The following ROBO1 variants were observed in gnomAD, a reference collection of about 807,000 sequenced individuals.
ROBO1 encodes roundabout guidance receptor 1, also known as roundabout homolog 1.
ROBO1 carries 149 observed loss-of-function variants against 195.9 expected under a neutral mutation model. The ratio of observed to expected loss-of-function variants is 0.76; its 90% CI spans 0.67 to 0.87. ROBO1 has a LOEUF of 0.87. ROBO1 is among the 40% of genes least tolerant of loss of function. The pLI is 0.00. For missense variants in ROBO1, 1,933 were observed against 2,068.3 expected (o/e 0.93, Z 1.27); for synonymous variants, 816 against 733.2 (o/e 1.11, Z -1.82).
chr3:79,410,549 G>T (rs990777661), intron 2 of ROBO1, among the ~76,000 whole-genome samples: 3 of 151,608 alleles, frequency 2.0e-5, no homozygotes, highest in Admixed American at 1.3e-4. Context: ...CTATAGACAT[G>T]CCTTTTCTGA....
chr3:79,581,947 T>C (rs1447493338), intron 2 of ROBO1, among the ~76,000 whole-genome samples: 2 of 152,000 alleles, frequency 1.3e-5, no homozygotes, highest in African/African-American at 2.4e-5. Flanking sequence ...GTGTTACTTT[T>C]AACTTGGTTA....
chr3:78,704,376 T>C (rs917118145), intron 8 of ROBO1, among the ~76,000 whole-genome samples: 1 of 152,072 alleles, frequency 6.6e-6, no homozygotes, highest in African/African-American at 2.4e-5. Flanking sequence ...AAAGATCTCA[T>C]ACGCTGACAG....
intron 4 of ROBO1, among the ~76,000 whole-genome samples, chr3:78,887,508 A>G (rs1002342472): frequency 1.3e-5 from 2 of 152,228 alleles, no homozygotes; most frequent in African/African-American, 4.8e-5. Context: ...AAATTTCATC[A>G]AGATGATTTC....
intron 2 of ROBO1, among the ~76,000 whole-genome samples, chr3:79,351,537 T>A (rs565764507): frequency 6.6e-6 from 1 of 152,228 alleles, no homozygotes; most frequent in East Asian, 1.9e-4. Flanking sequence ...GATATTTTAT[T>A]TTTACAAAAT....
chr3:78,960,783 C>CACACACAAAA (rs1241835848), intron 3 of ROBO1, among the ~76,000 whole-genome samples: 192 of 13,306 alleles, frequency 0.014, 1 homozygote, highest in Middle Eastern at 0.071. Flanking sequence ...TATTAAAACA[C>CACACACAAAA]ACACACACAC....
intron 1 of ROBO1, among the ~76,000 whole-genome samples, chr3:79,735,250 C>T (rs181829897): frequency 5.9e-4 from 90 of 152,298 alleles, no homozygotes; most frequent in African/African-American, 2.0e-3. Flanking sequence ...CAAGAATTAT[C>T]AAGCTAGAGG....
At chr3:78,931,099 G>T (rs1236911996) in intron 4 of ROBO1, among the ~76,000 whole-genome samples, 1 of 151,852 alleles carries the variant, frequency 6.6e-6, no homozygotes, top group Admixed American at 6.6e-5. Context: ...CCATTGACTA[G>T]CTAGAGCTAA....
chr3:79,615,878 T>C (rs1273315822), intron 1 of ROBO1, among the ~76,000 whole-genome samples: 3 of 152,194 alleles, frequency 2.0e-5, no homozygotes, highest in African/African-American at 7.2e-5. Flanking sequence ...TTTATCAACA[T>C]GGCAGACTAG....
intron 4 of ROBO1, among the ~76,000 whole-genome samples, chr3:78,823,356 G>A (rs114288303): frequency 0.021 from 3,154 of 152,150 alleles, 57 homozygotes; most frequent in Non-Finnish European, 0.034. Context: ...GCAAATATCT[G>A]TAACATAATA....
chr3:79,689,101 T>C (rs115685731), intron 1 of ROBO1, among the ~76,000 whole-genome samples: 4,281 of 152,060 alleles, frequency 0.028, 99 homozygotes, highest in South Asian at 0.06. Flanking sequence ...ATCGAAAAAT[T>C]GGATTAACTT....
chr3:79,586,023 A>G (rs1382688001), intron 2 of ROBO1, among the ~76,000 whole-genome samples: 2 of 151,954 alleles, frequency 1.3e-5, no homozygotes, highest in Non-Finnish European at 2.9e-5. Flanking sequence ...ATGCAACATT[A>G]CTTGTTAAAT....
chr3:78,944,790 T>A (rs1329844807), intron 3 of ROBO1, among the ~76,000 whole-genome samples: 1 of 152,184 alleles, frequency 6.6e-6, no homozygotes, highest in Non-Finnish European at 1.5e-5. Context: ...AGATGGCACC[T>A]GGAAAATCGG....
At chr3:79,337,420 T>C (rs1576993411) in intron 2 of ROBO1, among the ~76,000 whole-genome samples, 1 of 152,174 alleles carries the variant, frequency 6.6e-6, no homozygotes, top group Non-Finnish European at 1.5e-5. Context: ...CAAGATCTGA[T>C]AGTTTTATTA....
At chr3:79,393,811 A>T (rs560031458) in intron 2 of ROBO1, among the ~76,000 whole-genome samples, 1 of 152,308 alleles carries the variant, frequency 6.6e-6, no homozygotes, top group South Asian at 2.1e-4. Flanking sequence ...AGAAGGAAAA[A>T]TACTGTCAGC....
chr3:79,448,154 T>C (rs1395825885), intron 2 of ROBO1, among the ~76,000 whole-genome samples: 1 of 152,192 alleles, frequency 6.6e-6, no homozygotes, highest in Non-Finnish European at 1.5e-5. Flanking sequence ...AAATTTAGGT[T>C]GATAAATTTG....
In ROBO1 at chr3:79,584,786, G is replaced by A. The variant is rs74463973; in HGVS notation, c.88+5038C>T. The stretch of plus-strand genomic sequence containing the variant: ...CCACAAGCAGAAGATCTCTTTCATG[G>A]GATCCATTAACCCACACCTGGCACT... On this transcript the variant is annotated intron_variant, in intron 2 of 30. Transcript: ENST00000464233. Among the ~76,000 whole-genome samples the A allele has an allele frequency of 5.5e-3, 839 of 151,258 alleles. 5 individuals are homozygous for A. The highest frequency in any genetic ancestry group is 0.018 in the African/African-American group (741 of 41,262).
intron 18 of ROBO1, among the ~76,000 whole-genome samples, chr3:78,654,551 G>A (rs1369615356): frequency 6.6e-6 from 1 of 152,172 alleles, no homozygotes; most frequent in Non-Finnish European, 1.5e-5. Flanking sequence ...GCAAGGTTAA[G>A]ATGGGTAGCC....
intron 1 of ROBO1, among the ~76,000 whole-genome samples, chr3:79,643,044 C>A (rs1945712489): frequency 6.6e-6 from 1 of 152,070 alleles, no homozygotes; most frequent in Non-Finnish European, 1.5e-5. Context: ...AGAGGCAGAT[C>A]TACCCTCACT....
intron 2 of ROBO1, among the ~76,000 whole-genome samples, chr3:79,347,170 G>C (rs1226677922): frequency 1.3e-5 from 2 of 152,148 alleles, no homozygotes; most frequent in East Asian, 3.8e-4. Flanking sequence ...AAAGCAAATG[G>C]AGGGATGGAG....
Sources: gnomAD v4.1 joint callset for allele counts (sites outside exome capture counted in the v4.1 genomes callset) on GRCh38, gnomAD v4.1.1 for gene constraint, MANE v1.5 for transcripts, NCBI Gene and HGNC (gene_info 2026-07-23, HGNC 2026-07-21) for gene names.